Variants in ARMCX4 observed in about 807,000 individuals in gnomAD.
ARMCX4 encodes the protein armadillo repeat containing X-linked 4.
In ARMCX4, 3 loss-of-function variants were observed where a neutral mutation model predicts 34.7. The ratio of observed to expected loss-of-function variants is 0.09; its 90% confidence interval spans 0.04 to 0.22. The LOEUF is 0.22. Ranked by LOEUF, ARMCX4 falls within the 10% of genes least tolerant of loss-of-function variation. ARMCX4 has a pLI of 1.00. For synonymous variants in ARMCX4, 513 were observed against 632.8 expected (o/e 0.81, Z 2.84); for missense variants, 1,448 against 1,720.8 (o/e 0.84, Z 2.81).
intron 2 of ARMCX4, among the ~76,000 whole-genome samples, chrX:101,433,335 T>C (rs782278513): frequency 9.8e-6 from 1 of 101,665 alleles, no homozygotes; most frequent in South Asian, 4.1e-4. Context: ...TATAAACATA[T>C]GTACATATAT....
intron 4 of ARMCX4, among the ~76,000 whole-genome samples, chrX:101,468,412 C>T (rs1299701970): frequency 9.2e-6 from 1 of 109,156 alleles, no homozygotes; most frequent in South Asian, 4.0e-4. Flanking sequence ...CTGCCTCAGC[C>T]TCTCAAGTAG....
intron 2 of ARMCX4, among the ~76,000 whole-genome samples, chrX:101,432,046 G>A (rs1176072246): frequency 1.8e-5 from 2 of 112,302 alleles, no homozygotes; most frequent in Non-Finnish European, 3.8e-5. Flanking sequence ...AACAAATCTT[G>A]AATATATAAT....
chrX:101,439,367 T>A (rs1321510041), intron 2 of ARMCX4, among the ~76,000 whole-genome samples: 6 of 111,930 alleles, frequency 5.4e-5, no homozygotes, highest in African/African-American at 9.7e-5. Context: ...CTTCCCTTTG[T>A]GGGTAACCCG....
chrX:101,482,561 ATT>A (rs782480515), upstream of ARMCX4, among the ~76,000 whole-genome samples: 1 of 61,131 alleles, frequency 1.6e-5, no homozygotes, highest in Non-Finnish European at 3.0e-5. Flanking sequence ...AAGCCCAGCT[ATT>A]TTTTTTTTTT....
chrX:101,478,802 A>C (rs1933307549), intron 4 of ARMCX4, among the ~76,000 whole-genome samples: 1 of 112,100 alleles, frequency 8.9e-6, no homozygotes, highest in African/African-American at 3.2e-5. Context: ...TAAAGAACCC[A>C]TTAGGACAAA....
rs782725536 is a variant in ARMCX4, at chrX:101,514,969, C to T, written c.*1780+3914C>T. Among the ~76,000 whole-genome samples the T allele has an allele frequency of 3.3e-3, 367 of 111,883 alleles. 3 individuals carry two copies. Among genetic ancestry groups the T allele is most frequent in the African/African-American group, 0.012 (358 of 30,810 alleles). On this transcript the variant is annotated intron_variant and NMD_transcript_variant, in intron 11 of 12. Transcript: ENST00000354842. ...TAAACTTTCAGAATCCAATTCCCTC[C>T]TAATCAATGCTCTCACTTTAACATC...
intron 8 of ARMCX4, among the ~76,000 whole-genome samples, chrX:101,507,697 A>G (rs1318668623): frequency 8.9e-6 from 1 of 111,932 alleles, no homozygotes; most frequent in Non-Finnish European, 1.9e-5. Flanking sequence ...AAATACCTTG[A>G]GATTTTGCCT....
intron 11 of ARMCX4, among the ~76,000 whole-genome samples, chrX:101,523,946 T>C (rs1603228692): frequency 9.0e-6 from 1 of 110,982 alleles, no homozygotes. Flanking sequence ...CATAGCTTTT[T>C]TTTTTCCCCC....
At chrX:101,449,944 G>T (rs1483441839), downstream of ARMCX4, among the ~76,000 whole-genome samples, 3 of 111,989 alleles carry the variant, frequency 2.7e-5, no homozygotes, top group Non-Finnish European at 5.6e-5. Context: ...GTAACACTAC[G>T]GTTCTTGCAG....
At chrX:101,505,793 T>A (rs1010473487) in intron 8 of ARMCX4, among the ~76,000 whole-genome samples, 1 of 112,540 alleles carries the variant, frequency 8.9e-6, no homozygotes, top group Non-Finnish European at 1.9e-5. Context: ...ATTAAATACA[T>A]TCACATTGTT....
Position 101,512,104 on chromosome X carries a change from G to T in ARMCX4, c.*1780+1049G>T, listed in dbSNP as rs183320528. On this transcript the variant is annotated intron_variant and NMD_transcript_variant, in intron 11 of 12. Transcript: ENST00000354842. Reference sequence around the variant, plus strand: ...TATTAAAAATTTCAACTAATGGGCTGGGTGCGGCCGCTCACGCCTGTAATC... The same window carrying T: ...TATTAAAAATTTCAACTAATGGGCTTGGTGCGGCCGCTCACGCCTGTAATC... Among the ~76,000 whole-genome samples the T allele has an allele frequency of 7.2e-3, 801 of 111,168 alleles. 10 individuals are homozygous for T. The highest frequency in any genetic ancestry group is 0.025 in the African/African-American group (763 of 30,582).
At chrX:101,515,823 T>C (rs1434374502) in intron 11 of ARMCX4, among the ~76,000 whole-genome samples, 1 of 110,132 alleles carries the variant, frequency 9.1e-6, no homozygotes, top group Non-Finnish European at 1.9e-5. Context: ...ATTACAGGCG[T>C]GAGCCACTGT....
upstream of ARMCX4, among the ~76,000 whole-genome samples, chrX:101,484,846 AT>A (rs1385974621): frequency 2.7e-5 from 3 of 111,609 alleles, no homozygotes; most frequent in Non-Finnish European, 3.8e-5. Context: ...CACCCTGAAT[AT>A]TTTTTGTGTC....
Position 101,492,844 on chromosome X carries a change from G to A in ARMCX4, c.4255G>A (p.Asp1419Asn), listed in dbSNP as rs1391355541. Residue 1419 changes from aspartate (D) to asparagine (N), a missense_variant, in exon 6 of 6, where the codon GAC becomes AAC. This residue lies in a region of ARMCX4 where 1,343 missense variants were observed against 1,540.7 expected (regional missense o/e 0.87). Transcript: ENST00000423738. ...AGGGSKVGPEDQSSGRSWANS... is the reference protein window; with the variant it reads ...AGGGSKVGPENQSSGRSWANS... ...TGGAGGGTCCAAGGTGGGGCCTGAA[G>A]ACCAGTCCAGTGGAAGGTCATGGGC... 2.5e-5 allele frequency: 29 copies of A among 1,153,766 alleles called. No individual in the cohort carries two copies. The Admixed American group carries it at 7.0e-4, about 28-fold the overall frequency.
intron 7 of ARMCX4, among the ~76,000 whole-genome samples, chrX:101,504,490 C>T (rs1556014630): frequency 9.1e-6 from 1 of 110,055 alleles, no homozygotes; most frequent in African/African-American, 3.3e-5. Flanking sequence ...GACCCCAGAC[C>T]CTTCAAAACA....
At chrX:101,431,512 C>T (rs1317395390) in intron 2 of ARMCX4, among the ~76,000 whole-genome samples, 1 of 111,548 alleles carries the variant, frequency 9.0e-6, no homozygotes, top group East Asian at 2.8e-4. Flanking sequence ...TAAAAAATTG[C>T]CCCACATTTG....
intron 4 of ARMCX4, among the ~76,000 whole-genome samples, chrX:101,457,852 G>T (rs1278032242): frequency 9.1e-6 from 1 of 109,450 alleles, no homozygotes; most frequent in Non-Finnish European, 1.9e-5. Context: ...AAGTGATTCT[G>T]CTGCCTCAGC....
chrX:101,487,703 G>C lies in ARMCX4; in HGVS notation c.-203+12G>C, dbSNP rs1556007221. On this transcript the variant is annotated intron_variant, in intron 4 of 5. Transcript: ENST00000423738. Reference sequence around the variant, plus strand: ...ATCAGTATAGACTGGTAAGAGTGTGGGGACTGCCTGGGTAGACCTCTAGAG... The same window carrying C: ...ATCAGTATAGACTGGTAAGAGTGTGCGGACTGCCTGGGTAGACCTCTAGAG... 2.4e-5 allele frequency: 22 copies of C among 910,261 alleles called. No individual in the cohort carries two copies. The highest frequency in any genetic ancestry group is 3.1e-5 in the Non-Finnish European group (22 of 703,015). The allele number at this position is 910,261 out of a possible 1,213,427, so 75.0% of individuals were successfully genotyped here.
chrX:101,488,178 G>A, intron 5 of ARMCX4, 79 bp downstream of exon 5: 2 of 397,638 alleles, frequency 5.0e-6, no homozygotes, highest in Non-Finnish European at 8.0e-6. Flanking sequence ...CTTCTTGGTT[G>A]CTCCCATTTA....
Sources: allele counts gnomAD v4.1 joint callset (sites outside exome capture counted in the v4.1 genomes callset), GRCh38; gene constraint gnomAD v4.1.1; regional missense constraint gnomAD v4.1.1; transcripts MANE v1.5; gene names NCBI Gene and HGNC (gene_info 2026-07-23, HGNC 2026-07-21).